Variants in EFCC1 observed in about 807,000 individuals in gnomAD.
EFCC1 encodes EF-hand and coiled-coil domain-containing protein 1.
EFCC1 carries 50 observed loss-of-function variants against 52.1 expected under a neutral mutation model. That is an observed-to-expected ratio of 0.96 (90% CI 0.76 to 1.21). EFCC1 has a LOEUF of 1.21. Among genes scored for constraint, EFCC1 ranks in the 50% most tolerant of loss-of-function variants. The pLI is 0.00. For missense variants in EFCC1, 837 were observed against 867.3 expected (o/e 0.97, Z 0.44); for synonymous variants, 399 against 396.5 (o/e 1.01, Z -0.08).
At chr3:129,018,680 C>T (rs907232892) in intron 2 of EFCC1, among the ~76,000 whole-genome samples, 2 of 152,206 alleles carry the variant, frequency 1.3e-5, no homozygotes, top group African/African-American at 4.8e-5. Context: ...GGGGACTGGG[C>T]AGGGGCAGGG....
rs973907369 is a variant in EFCC1 at position 129,004,025 on chromosome 3, C to T, written c.928C>T (p.Pro310Ser). 4 of 1,509,886 alleles carry T rather than the reference C, an allele frequency of 2.6e-6. No individual in the cohort carries two copies. The highest frequency in any genetic ancestry group is 2.4e-5 in the South Asian group (2 of 82,764). The allele number at this position is 1,509,886 out of a possible 1,614,324, so 93.5% of individuals were successfully genotyped here. ...GCTGGAGGCGCTGGCGCAACAGGTG[C>T]CCGGCTTGCAGCGCTGGGTGCGGCG... ...RELEALAQQV[P>S]GLQRWVRRLE... Residue 310 changes from proline to serine, a missense_variant, in exon 2 of 8, where the codon CCC becomes TCC. Transcript: ENST00000683648.
Position 129,001,763 on chromosome 3 carries a change from G to T in EFCC1, c.135G>T (p.Glu45Asp). The T allele has an allele frequency of 6.5e-7, 1 of 1,542,504 alleles. No homozygotes were observed. Among genetic ancestry groups the T allele is most frequent in the African/African-American group, 1.4e-5 (1 of 72,398 alleles). ...AHHYGLDRGVENEIVVLATGL... is the reference protein window; with the variant it reads ...AHHYGLDRGVDNEIVVLATGL... The stretch of plus-strand genomic sequence containing the variant: ...ACTACGGGCTGGACCGCGGCGTGGA[G>T]AACGAGATCGTGGTGCTGGCCACCG... The change falls in exon 1 of 8, where the codon GAG (glutamate) becomes GAT (aspartate). Residue 45 changes from glutamate (E) to aspartate (D), a missense_variant. Glu to Asp is a conservative substitution (Grantham distance 45). Coordinates refer to ENST00000683648, the MANE Select transcript of EFCC1 (RefSeq NM_001377500.1).
intron 3 of EFCC1, among the ~76,000 whole-genome samples, chr3:129,031,169 C>G (rs1434912516): frequency 6.6e-6 from 1 of 152,220 alleles, no homozygotes; most frequent in Admixed American, 6.5e-5. Context: ...GTAGCTCACG[C>G]CTGTGATCCC....
rs1447049065 is a variant in EFCC1, at chr3:129,014,973, C to A, written c.980+10896C>A. Among the ~76,000 whole-genome samples, 1 of 152,170 alleles carries A rather than the reference C, an allele frequency of 6.6e-6. No individual in the cohort carries two copies. Among genetic ancestry groups the A allele is most frequent in the African/African-American group, 2.4e-5 (1 of 41,426 alleles). ...TGCTACTCTCCAGTCGCACCCACCA[C>A]CCAGCCCAGCCCCAGCACCACTCCT... On this transcript the variant is annotated intron_variant, in intron 2 of 7. Transcript: ENST00000683648. This position sits in a 1 kb window ranked among gnomAD's most constrained non-coding sequence, Gnocchi z 4.3.
rs569885346 is a variant in EFCC1, at chr3:129,001,590, C to A, written c.-39C>A. The A allele has an allele frequency of 5.2e-6, 7 of 1,352,268 alleles. No individual in the cohort carries two copies. Among genetic ancestry groups the A allele is most frequent in the Non-Finnish European group, 5.7e-6 (6 of 1,059,016 alleles). 83.8% of individuals were successfully genotyped at this position (1,352,268 alleles called of 1,614,324 possible). A position where few individuals can be genotyped will look rare whatever the true frequency, so the allele number is the denominator to read the frequency against. ...CCTGGAAGTGGCGGGGCGAAGGGAC[C>A]GGAGGAGGGACCGGAGGAGCGAGGC... is the stretch of plus-strand genomic sequence containing the variant. On this transcript the variant is annotated 5_prime_UTR_variant, in exon 1 of 8. Transcript: ENST00000683648.
Position 129,034,258 on chromosome 3 carries a change from A to G in EFCC1, c.1381A>G (p.Ile461Val). ...TACCCTGGGGGAGCTGGAGGCCTGC[A>G]TTGCCATGCTGGTGGAGCAGCTGAG... is the stretch of plus-strand genomic sequence containing the variant. Reference protein sequence around the residue: ...AHTLGELEACIAMLVEQLRTQ... With the variant: ...AHTLGELEACVAMLVEQLRTQ... The change falls in exon 5 of 8, where the codon ATT becomes GTT. Residue 461 changes from isoleucine to valine, a missense_variant. Ile to Val is a conservative substitution (Grantham distance 29). Transcript: ENST00000683648. 1 of 1,614,174 alleles carries G rather than the reference A, an allele frequency of 6.2e-7. No individual in the cohort carries two copies. The highest frequency in any genetic ancestry group is 1.1e-5 in the South Asian group (1 of 91,082).
In EFCC1 at chr3:129,039,803, C is replaced by A; in HGVS notation, c.1755C>A (p.Ala585=). Residue 585 remains alanine (A), a synonymous_variant, in exon 8 of 8, where the codon GCC becomes GCA. Transcript: ENST00000683648. ...QLLRRQPSAP[A]SAAAALTNPL... ...TGCGGAGACAGCCCTCGGCACCAGC[C>A]TCTGCAGCAGCTGCGCTCACCAACC... 1 of 1,612,372 alleles carries A rather than the reference C, an allele frequency of 6.2e-7. No homozygotes were observed. Among genetic ancestry groups the A allele is most frequent in the Non-Finnish European group, 8.5e-7 (1 of 1,178,950 alleles).
chr3:129,026,391 G>C (rs1451341906), intron 2 of EFCC1, among the ~76,000 whole-genome samples: 1 of 151,958 alleles, frequency 6.6e-6, no homozygotes, highest in Non-Finnish European at 1.5e-5. Flanking sequence ...ATAGTGGAAA[G>C]ATTTCAATAT....
intron 2 of EFCC1, among the ~76,000 whole-genome samples, chr3:129,024,263 G>C (rs1211791206): frequency 1.3e-5 from 2 of 152,132 alleles, no homozygotes; most frequent in Non-Finnish European, 2.9e-5. Flanking sequence ...GGGTCTAGTG[G>C]CTCACACCTG....
Position 129,039,883 on chromosome 3 carries a change from C to T in EFCC1, c.*35C>T. 1 of 1,568,326 alleles carries T rather than the reference C, an allele frequency of 6.4e-7. No homozygotes were observed. The highest frequency in any genetic ancestry group is 8.7e-7 in the Non-Finnish European group (1 of 1,152,120). ...CCCACCCTGTGGGCACCCTGCTCAG[C>T]CTGACTGCCTTTGGACCAGCCTCCA... On this transcript the variant is annotated 3_prime_UTR_variant, in exon 8 of 8. Coordinates refer to ENST00000683648, the MANE Select transcript of EFCC1 (RefSeq NM_001377500.1).
intron 6 of EFCC1, 58 bp from the exon 7 acceptor site, chr3:129,038,773 G>A: frequency 3.8e-6 from 6 of 1,569,460 alleles, no homozygotes; most frequent in Middle Eastern, 2.1e-4. Flanking sequence ...AGTTCCCATC[G>A]GCTGAACAGG....
intron 2 of EFCC1, among the ~76,000 whole-genome samples, chr3:129,023,252 C>T (rs893760344): frequency 2.6e-5 from 4 of 151,342 alleles, no homozygotes; most frequent in Admixed American, 1.3e-4. Flanking sequence ...ATACTAAGTT[C>T]GGCTTCAGAT....
rs368595179 is a variant in EFCC1, at chr3:129,040,112, C to T, written c.*264C>T. On this transcript the variant is annotated 3_prime_UTR_variant, in exon 8 of 8. Transcript: ENST00000683648. This position sits in a 1 kb window ranked among gnomAD's most constrained non-coding sequence, Gnocchi z 4.4. The stretch of plus-strand genomic sequence containing the variant: ...AGTCCACATTAAAGCCCTGCAGTTG[C>T]TGGATCAGCCTGCACCTGATGCTGT... 7.2e-5 allele frequency: 31 copies of T among 432,716 alleles called. No individual in the cohort carries two copies. The highest frequency in any genetic ancestry group is 5.9e-4 in the African/African-American group (29 of 49,310). 26.8% of individuals were successfully genotyped at this position (432,716 alleles called of 1,614,324 possible).
In EFCC1 at chr3:129,008,303, A is replaced by G. The variant is rs572103377; in HGVS notation, c.980+4226A>G. Among the ~76,000 whole-genome samples, 7 of 152,346 alleles carry G rather than the reference A, an allele frequency of 4.6e-5. No homozygotes were observed. The South Asian group carries it at 1.5e-3, about 32-fold the overall frequency. On this transcript the variant is annotated intron_variant, in intron 2 of 7. Coordinates refer to ENST00000683648, the MANE Select transcript of EFCC1 (RefSeq NM_001377500.1). ...AGGGAGTCTCCTTCTGTAACTCACT[A>G]TGCAAGGTCTCCTGTCCCTAATCCC...
intron 3 of EFCC1, among the ~76,000 whole-genome samples, chr3:129,032,238 A>G (rs1946287052): frequency 6.6e-6 from 1 of 152,124 alleles, no homozygotes; most frequent in African/African-American, 2.4e-5. Flanking sequence ...TGAGGAGCCC[A>G]CCCCAGCTCC....
chr3:129,029,578 T>G (rs1042569229), intron 2 of EFCC1, among the ~76,000 whole-genome samples: 13 of 104,972 alleles, frequency 1.2e-4, no homozygotes, highest in African/African-American at 4.1e-4. Flanking sequence ...TTGTTTTTTG[T>G]TTTTTGGTTT....
At chr3:129,026,709 A>G (rs916440723) in intron 2 of EFCC1, among the ~76,000 whole-genome samples, 8 of 152,240 alleles carry the variant, frequency 5.3e-5, no homozygotes, top group Non-Finnish European at 8.8e-5. Flanking sequence ...TTTCTTCTCC[A>G]GGCTGTAGTC....
At chr3:129,007,173 C>T (rs1945109771) in intron 2 of EFCC1, among the ~76,000 whole-genome samples, 1 of 152,208 alleles carries the variant, frequency 6.6e-6, no homozygotes, top group Non-Finnish European at 1.5e-5. Flanking sequence ...TCTGGATTCT[C>T]CTACCCCAGA....
At chr3:129,031,884 T>G (rs1180965567) in intron 3 of EFCC1, among the ~76,000 whole-genome samples, 2 of 152,204 alleles carry the variant, frequency 1.3e-5, no homozygotes, top group Non-Finnish European at 2.9e-5. Flanking sequence ...TGGCTCCCAC[T>G]GGGTCCCTTG....
Sources: gnomAD v4.1 joint callset for allele counts (sites outside exome capture counted in the v4.1 genomes callset) on GRCh38, gnomAD v4.1.1 for gene constraint, Gnocchi (gnomAD v3.1) non-coding constraint, MANE v1.5 for transcripts, NCBI Gene and HGNC (gene_info 2026-07-23, HGNC 2026-07-21) for gene names.